CPM: variants seen among roughly 807,000 people sequenced by gnomAD.
The protein encoded by CPM is renal carboxypeptidase.
Under a neutral mutation model 46.4 loss-of-function variants are expected in CPM, and 35 were observed. The ratio of observed to expected loss-of-function variants is 0.75; its 90% CI spans 0.58 to 1.00. CPM has a LOEUF of 1.00. Ranked by LOEUF, CPM falls within the 50% of genes least tolerant of loss-of-function variation. The probability of loss-of-function intolerance (pLI) is 0.00; values close to 1 mark genes in which losing one functional copy is unlikely to be tolerated. For missense variants in CPM, 422 were observed against 530.4 expected (o/e 0.80, Z 2.01); for synonymous variants, 195 against 195.3 (o/e 1.00, Z 0.01).
chr12:68,943,096 G>A (rs2136331382), intron 1 of CPM, among the ~76,000 whole-genome samples: 1 of 152,292 alleles, frequency 6.6e-6, no homozygotes, highest in Admixed American at 6.5e-5. Context: ...AGCATCAAGA[G>A]ATTATATGTA....
intron 1 of CPM, among the ~76,000 whole-genome samples, chr12:68,940,294 T>C (rs1346718595): frequency 6.6e-6 from 1 of 152,004 alleles, no homozygotes; most frequent in Non-Finnish European, 1.5e-5. Flanking sequence ...GATGAGCCAA[T>C]ATTGACACAT....
chr12:68,868,267 T>A (rs1456384656), intron 6 of CPM, among the ~76,000 whole-genome samples: 1 of 152,130 alleles, frequency 6.6e-6, no homozygotes, highest in African/African-American at 2.4e-5. Flanking sequence ...AGGTTTGGAA[T>A]GCTGCCTGGA....
chr12:68,901,227 TA>T (rs34017029), intron 2 of CPM, among the ~76,000 whole-genome samples: 11 of 151,912 alleles, frequency 7.2e-5, no homozygotes, highest in African/African-American at 1.9e-4. Flanking sequence ...AATAAAGTCT[TA>T]AAAAAAAGCT....
chr12:68,957,912 G>T (rs964013897), intron 1 of CPM, among the ~76,000 whole-genome samples: 1 of 139,726 alleles, frequency 7.2e-6, no homozygotes, highest in Non-Finnish European at 1.5e-5. Flanking sequence ...TCATTGTTCA[G>T]TTCCCACCTA....
intron 8 of CPM, among the ~76,000 whole-genome samples, 156 bp from the exon 9 acceptor site, chr12:68,856,835 G>A (rs1884995628): frequency 6.6e-6 from 1 of 152,238 alleles, no homozygotes; most frequent in African/African-American, 2.4e-5. Flanking sequence ...GGTCCTGCAG[G>A]CTGAGTTATC....
In CPM at chr12:68,851,991, T is replaced by G. The variant is rs1239945537; in HGVS notation, c.*4446A>C. ...TATCTATTGCAGTAAGACAATATGC[T>G]ATGCTTATCTTTCTGGATTCCCCAG... On this transcript the variant is annotated 3_prime_UTR_variant, in exon 9 of 9. Transcript: ENST00000551568. The G allele has an allele frequency of 3.9e-5, 6 of 152,240 alleles. No homozygotes were observed. The highest frequency in any genetic ancestry group is 1.4e-4 in the African/African-American group (6 of 41,460). 9.4% of individuals were successfully genotyped at this position (152,240 alleles called of 1,614,324 possible).
At chr12:68,843,436 A>C (rs2136188975) in intron 5 of CPM, 1 of 229,784 alleles carries the variant, frequency 4.4e-6, no homozygotes, top group East Asian at 6.2e-5. Flanking sequence ...CAGTACATAC[A>C]CCATATTTAC....
At chr12:68,905,612 G>A (rs1887310767) in intron 2 of CPM, among the ~76,000 whole-genome samples, 1 of 151,878 alleles carries the variant, frequency 6.6e-6, no homozygotes, top group Non-Finnish European at 1.5e-5. Flanking sequence ...ATTTTATATA[G>A]TCTTTTTACA....
chr12:68,958,297 C>T (rs1160733131), intron 1 of CPM, among the ~76,000 whole-genome samples: 1 of 152,156 alleles, frequency 6.6e-6, no homozygotes, highest in Admixed American at 6.5e-5. Flanking sequence ...AACTAATTTA[C>T]ACTCCCACCA....
chr12:68,873,722 T>G (rs1885814324), intron 3 of CPM, among the ~76,000 whole-genome samples: 1 of 151,744 alleles, frequency 6.6e-6, no homozygotes, highest in South Asian at 2.1e-4. Flanking sequence ...AATTATAGAT[T>G]CATAGGCAAC....
intron 3 of CPM, among the ~76,000 whole-genome samples, chr12:68,873,640 C>T (rs1885806725): frequency 7.3e-6 from 1 of 136,214 alleles, no homozygotes; most frequent in African/African-American, 2.8e-5. Flanking sequence ...TGCATTCCAG[C>T]ATGGGTGACA....
At chr12:68,856,756 A>C in intron 8 of CPM, 77 bp from the exon 9 acceptor site, 2 of 1,542,018 alleles carry the variant, frequency 1.3e-6, no homozygotes, top group Non-Finnish European at 1.8e-6. Flanking sequence ...ACTGATATCC[A>C]TCACTAAAAT....
In CPM at chr12:68,855,696, CA is replaced by C. The variant is rs1254079937; in HGVS notation, c.*740del. On this transcript the variant is annotated 3_prime_UTR_variant, in exon 9 of 9. Transcript: ENST00000551568. The stretch of plus-strand genomic sequence containing the variant: ...TTATATATGGCACTTAATATCTATT[CA>C]CATGTAGCACTCATGGTGAGGTGTT... The C allele has an allele frequency of 6.6e-6, 1 of 151,746 alleles. No homozygotes were observed. The highest frequency in any genetic ancestry group is 1.5e-5 in the Non-Finnish European group (1 of 67,986). The allele number at this position is 151,746 out of a possible 1,614,324, so 9.4% of individuals were successfully genotyped here.
At chr12:68,900,040 G>A (rs1887050647) in intron 2 of CPM, among the ~76,000 whole-genome samples, 1 of 152,056 alleles carries the variant, frequency 6.6e-6, no homozygotes, top group South Asian at 2.1e-4. Context: ...CTATAGGACT[G>A]AAAATTTTCT....
chr12:68,946,657 G>C (rs1888852803), intron 1 of CPM, among the ~76,000 whole-genome samples: 1 of 152,190 alleles, frequency 6.6e-6, no homozygotes, highest in African/African-American at 2.4e-5. Context: ...TGAAAAGTCT[G>C]AAAACATGTC....
chr12:68,953,159 C>T (rs1888962259), intron 1 of CPM, among the ~76,000 whole-genome samples: 2 of 152,156 alleles, frequency 1.3e-5, no homozygotes, highest in South Asian at 2.1e-4. Context: ...CTACGGAATA[C>T]TTGGCTCGAT....
upstream of CPM, among the ~76,000 whole-genome samples, chr12:68,937,745 T>G (rs1181507892): frequency 1.3e-5 from 2 of 152,100 alleles, no homozygotes; most frequent in Admixed American, 1.3e-4. Context: ...AATCCACGAG[T>G]TGCAATGTTT....
intron 1 of CPM, among the ~76,000 whole-genome samples, chr12:68,952,833 T>C (rs1382295090): frequency 4.6e-5 from 7 of 152,180 alleles, no homozygotes; most frequent in African/African-American, 1.7e-4. Context: ...CCGCCTGAGT[T>C]TCTTCACAGA....
At chr12:68,944,062 C>G (rs1259483322) in intron 1 of CPM, among the ~76,000 whole-genome samples, 1 of 151,948 alleles carries the variant, frequency 6.6e-6, no homozygotes, top group African/African-American at 2.4e-5. Context: ...TTTCAATGAC[C>G]CTTTTGAAAA....
Sources: allele counts gnomAD v4.1 joint callset (sites outside exome capture counted in the v4.1 genomes callset), GRCh38; gene constraint gnomAD v4.1.1; transcripts MANE v1.5; gene names NCBI Gene and HGNC (gene_info 2026-07-23, HGNC 2026-07-21).